Variants in CNTNAP2 observed in about 807,000 individuals in gnomAD.
The protein encoded by CNTNAP2 is contactin-associated protein-like 2.
A neutral mutation model predicts 155.2 loss-of-function variants in CNTNAP2; 98 were observed. That is an observed-to-expected ratio of 0.63 (90% CI 0.54 to 0.75). The LOEUF (loss-of-function observed/expected upper bound fraction) is 0.75. CNTNAP2 is among the 30% of genes least tolerant of loss of function. The pLI is 0.00. For missense variants in CNTNAP2, 1,727 were observed against 1,688.1 expected, an observed-to-expected ratio of 1.02 and a Z score of -0.40; for synonymous variants, 651 against 631.2, an observed-to-expected ratio of 1.03 and a Z score of -0.47.
chr7:147,142,250 C>A (rs1455236236), intron 8 of CNTNAP2, among the ~76,000 whole-genome samples: 1 of 152,158 alleles, frequency 6.6e-6, no homozygotes, highest in Non-Finnish European at 1.5e-5. Flanking sequence ...TATGTCCCAT[C>A]AATACCTAAT....
intron 1 of CNTNAP2, among the ~76,000 whole-genome samples, chr7:146,118,798 T>C (rs1273202033): frequency 6.6e-6 from 1 of 152,166 alleles, no homozygotes; most frequent in Non-Finnish European, 1.5e-5. Flanking sequence ...ACTTTTAAGA[T>C]GGTTAATAGT....
At chr7:146,413,204 T>C (rs778155431) in intron 1 of CNTNAP2, among the ~76,000 whole-genome samples, 2 of 152,148 alleles carry the variant, frequency 1.3e-5, no homozygotes, top group Non-Finnish European at 2.9e-5. Context: ...ATGAGAAAGA[T>C]GCAGGAAAGA....
intron 15 of CNTNAP2, among the ~76,000 whole-genome samples, chr7:148,034,651 T>G (rs1426455386): frequency 6.6e-6 from 1 of 152,126 alleles, no homozygotes; most frequent in Non-Finnish European, 1.5e-5. Flanking sequence ...GAGAGAGCAG[T>G]GTTGCTATAG....
chr7:147,295,143 C>T (rs987339799), intron 8 of CNTNAP2, among the ~76,000 whole-genome samples: 1 of 152,122 alleles, frequency 6.6e-6, no homozygotes, highest in African/African-American at 2.4e-5. Flanking sequence ...CTCAAAGCCT[C>T]ATTTTATTTC....
At chr7:148,247,716 C>T (rs1796297449) in intron 20 of CNTNAP2, among the ~76,000 whole-genome samples, 1 of 149,506 alleles carries the variant, frequency 6.7e-6, no homozygotes, top group African/African-American at 2.5e-5. Context: ...TGTAGTTGTG[C>T]AATCTCAGCT....
At chr7:148,395,150 C>CT (rs71188978) in intron 22 of CNTNAP2, among the ~76,000 whole-genome samples, 60,399 of 133,766 alleles carry the variant, frequency 0.45, 15,497 homozygotes, top group East Asian at 0.67. Flanking sequence ...GATTATGTGG[C>CT]TTTTTTTTTT....
intron 1 of CNTNAP2, among the ~76,000 whole-genome samples, chr7:146,464,967 C>T (rs1315924745): frequency 6.6e-6 from 1 of 152,056 alleles, no homozygotes; most frequent in Non-Finnish European, 1.5e-5. Context: ...TTTCTGCAGT[C>T]TATGATCATT....
At chr7:147,012,974 T>C (rs983170844) in intron 3 of CNTNAP2, among the ~76,000 whole-genome samples, 1 of 152,102 alleles carries the variant, frequency 6.6e-6, no homozygotes, top group Admixed American at 6.6e-5. Flanking sequence ...TTATAGATGA[T>C]AAAAATCAAA....
At chr7:147,309,379 C>A (rs928666920) in intron 9 of CNTNAP2, among the ~76,000 whole-genome samples, 1 of 152,112 alleles carries the variant, frequency 6.6e-6, no homozygotes, top group African/African-American at 2.4e-5. Flanking sequence ...AACTTAGAAC[C>A]TTAGCAATTT....
intron 21 of CNTNAP2, among the ~76,000 whole-genome samples, chr7:148,269,925 G>A (rs1385770905): frequency 6.6e-6 from 1 of 152,184 alleles, no homozygotes; most frequent in Non-Finnish European, 1.5e-5. Context: ...ATATGGTGAT[G>A]TTCCTAAAGA....
intron 1 of CNTNAP2, among the ~76,000 whole-genome samples, chr7:146,541,360 C>G (rs1195193669): frequency 3.3e-5 from 5 of 152,008 alleles, no homozygotes; most frequent in Non-Finnish European, 7.4e-5. Flanking sequence ...AAGGAGAGAC[C>G]TATCTGGTCT....
At chr7:146,336,359 T>C (rs7779927) in intron 1 of CNTNAP2, among the ~76,000 whole-genome samples, 18,741 of 152,062 alleles carry the variant, frequency 0.12, 3,488 homozygotes, top group African/African-American at 0.4. Context: ...GATTTAAAGA[T>C]AGATTTTTCT....
At chr7:146,449,364 C>T (rs1370625503) in intron 1 of CNTNAP2, among the ~76,000 whole-genome samples, 3 of 151,878 alleles carry the variant, frequency 2.0e-5, no homozygotes, top group Non-Finnish European at 2.9e-5. Flanking sequence ...CTTTTTTCCT[C>T]TTGTGCATGT....
intron 2 of CNTNAP2, among the ~76,000 whole-genome samples, chr7:146,834,866 C>G (rs1585114194): frequency 6.6e-6 from 1 of 152,040 alleles, no homozygotes; most frequent in Admixed American, 6.6e-5. Context: ...TATTAATCCT[C>G]GGATCAATAG....
At chr7:146,699,324 T>C (rs1483391299) in intron 1 of CNTNAP2, among the ~76,000 whole-genome samples, 4 of 152,200 alleles carry the variant, frequency 2.6e-5, no homozygotes, top group African/African-American at 9.6e-5. Context: ...CCTGTTGTTA[T>C]TGGGTTGCCA....
intron 15 of CNTNAP2, among the ~76,000 whole-genome samples, chr7:148,078,191 G>A (rs534760876): frequency 2.0e-5 from 3 of 152,088 alleles, no homozygotes; most frequent in South Asian, 2.1e-4. Flanking sequence ...AGCCTCTCAA[G>A]TAGCTGGGAT....
intron 10 of CNTNAP2, among the ~76,000 whole-genome samples, chr7:147,409,523 T>C (rs947381108): frequency 2.0e-5 from 3 of 151,976 alleles, no homozygotes; most frequent in African/African-American, 7.3e-5. Context: ...ACAAAAGCAA[T>C]TGCAACACAA....
At chr7:146,403,930 C>T (rs536761358) in intron 1 of CNTNAP2, among the ~76,000 whole-genome samples, 3 of 151,632 alleles carry the variant, frequency 2.0e-5, no homozygotes, top group Admixed American at 6.6e-5. Flanking sequence ...TCGAGACCAT[C>T]CCGGCTAAAA....
chr7:146,895,738 A>C (rs1301060778), intron 3 of CNTNAP2, among the ~76,000 whole-genome samples: 6 of 152,128 alleles, frequency 3.9e-5, no homozygotes, highest in Non-Finnish European at 8.8e-5. Flanking sequence ...TCTCTTTTGA[A>C]ATGTGAGATG....
Sources: gnomAD v4.1 joint callset for allele counts (sites outside exome capture counted in the v4.1 genomes callset) on GRCh38, gnomAD v4.1.1 for gene constraint, MANE v1.5 for transcripts, NCBI Gene and HGNC (gene_info 2026-07-23, HGNC 2026-07-21) for gene names.